The following CEP152 variants were observed in gnomAD, a reference collection of about 807,000 sequenced individuals.
CEP152 encodes the protein centrosomal protein of 152 kDa.
A neutral mutation model predicts 188.9 loss-of-function variants in CEP152; 132 were observed. The observed-to-expected ratio is 0.70, with a 90% CI of 0.61 to 0.81. The LOEUF (loss-of-function observed/expected upper bound fraction) is 0.81. Ranked by LOEUF, CEP152 falls within the 30% of genes least tolerant of loss-of-function variation. CEP152 has a pLI of 0.00. For missense variants in CEP152, 1,914 were observed against 1,969.8 expected (o/e 0.97, Z 0.54); for synonymous variants, 649 against 666.6 (o/e 0.97, Z 0.41).
chr15:48,741,188 G>C, intron 26 of CEP152: 1 of 1,046,992 alleles, frequency 9.6e-7, no homozygotes, highest in Middle Eastern at 4.7e-4. Context: ...GGAGTACAGT[G>C]GCACAATCAT....
chr15:48,729,924 C>T (rs1293509053), intron 2 of CEP152: 1 of 151,946 alleles, frequency 6.6e-6, no homozygotes, highest in Non-Finnish European at 1.5e-5. Flanking sequence ...AAAGAGATTA[C>T]TCCAGTACGT....
intron 20 of CEP152, among the ~76,000 whole-genome samples, chr15:48,754,169 A>G (rs1475054141): frequency 6.6e-6 from 1 of 152,180 alleles, no homozygotes; most frequent in East Asian, 1.9e-4. Context: ...TTTCTCAGGA[A>G]TGGAATCTGA....
chr15:48,762,243 T>G (rs1398530402), intron 18 of CEP152, 148 bp downstream of exon 18: 1 of 765,430 alleles, frequency 1.3e-6, no homozygotes, highest in East Asian at 2.7e-5. Context: ...TGAAGAAAAA[T>G]TTAGGAACAT....
At chr15:48,763,512 A>G (rs1894845823) in intron 17 of CEP152, among the ~76,000 whole-genome samples, 1 of 152,040 alleles carries the variant, frequency 6.6e-6, no homozygotes, top group Non-Finnish European at 1.5e-5. Flanking sequence ...CATCTCTACT[A>G]AAAATATAAA....
Position 48,742,112 on chromosome 15 carries a change from T to C in CEP152, c.3836-12A>G. 1 of 1,613,368 alleles carries C rather than the reference T, an allele frequency of 6.2e-7. No homozygotes were observed. The highest frequency in any genetic ancestry group is 1.3e-5 in the African/African-American group (1 of 75,010). On this transcript the variant is annotated splice_polypyrimidine_tract_variant and intron_variant, in intron 24 of 26. Transcript: ENST00000380950. Reference sequence around the variant, plus strand: ...ACGAAGCATGTCACCTATAGGGAAGTGAGAAAATGCCCACAGAATGTATGT... The same window carrying C: ...ACGAAGCATGTCACCTATAGGGAAGCGAGAAAATGCCCACAGAATGTATGT...
intron 20 of CEP152, 48 bp downstream of exon 20, chr15:48,755,855 A>G (rs1894218361): frequency 1.2e-6 from 2 of 1,610,142 alleles, no homozygotes; most frequent in South Asian, 1.1e-5. Flanking sequence ...TACAACTTCT[A>G]TAATCATTCT....
In CEP152 at chr15:48,805,616, C is replaced by A. The variant is rs764757015; in HGVS notation, c.34G>T (p.Val12Leu). The A allele has an allele frequency of 1.9e-6, 3 of 1,600,452 alleles. No individual in the cohort carries two copies. Among genetic ancestry groups the A allele is most frequent in the Non-Finnish European group, 2.6e-6 (3 of 1,173,522 alleles). ...TCATACTCTTCATCTTCATTTTGCA[C>A]TGGTAGTGCCACACTGCCAAAGTCT... ...SLDFGSVALP[V>L]QNEDEEYDEE... The change falls in exon 2 of 27, where the codon GTG becomes TTG. Residue 12 changes from valine (V) to leucine (L), a missense_variant. Transcript: ENST00000380950.
chr15:48,740,329 T>C (rs1023536941), intron 26 of CEP152, among the ~76,000 whole-genome samples: 1 of 152,094 alleles, frequency 6.6e-6, no homozygotes, highest in East Asian at 1.9e-4. Context: ...TCATTCTCCA[T>C]CCCCTGATTT....
chr15:48,793,195 C>T (rs1405402805), intron 7 of CEP152, 126 bp downstream of exon 7: 33 of 1,070,622 alleles, frequency 3.1e-5, no homozygotes, highest in Middle Eastern at 2.8e-4. Flanking sequence ...TTTTGCTATG[C>T]CTCACTCACT....
Position 48,738,232 on chromosome 15 carries a change from T to C in CEP152, c.*17A>G. 1 of 1,600,478 alleles carries C rather than the reference T, an allele frequency of 6.2e-7. No homozygotes were observed. Among genetic ancestry groups the C allele is most frequent in the East Asian group, 2.3e-5 (1 of 44,414 alleles). ...TTGTTAATATATTAATGATTCTTCT[T>C]AAATACTGTACCATAATTAGTCTAG... On this transcript the variant is annotated 3_prime_UTR_variant, in exon 27 of 27. Transcript: ENST00000380950.
At chr15:48,800,134 CCA>C (rs2140915776) in intron 2 of CEP152, among the ~76,000 whole-genome samples, 1 of 152,194 alleles carries the variant, frequency 6.6e-6, no homozygotes, top group Admixed American at 6.5e-5. Context: ...AAATTGGCAT[CCA>C]CAGAGAAAAA....
intron 10 of CEP152, among the ~76,000 whole-genome samples, chr15:48,782,678 G>C (rs1221675517): frequency 1.3e-5 from 2 of 152,152 alleles, no homozygotes; most frequent in Non-Finnish European, 2.9e-5. Context: ...ACATGTAAAT[G>C]AAGTGTATTA....
intron 12 of CEP152, among the ~76,000 whole-genome samples, chr15:48,775,441 T>C (rs1895828869): frequency 6.6e-6 from 1 of 152,098 alleles, no homozygotes; most frequent in Admixed American, 6.6e-5. Flanking sequence ...GAAACACTAA[T>C]TCAAATAACA....
chr15:48,730,069 C>T (rs926231616), intron 2 of CEP152, among the ~76,000 whole-genome samples: 2 of 151,894 alleles, frequency 1.3e-5, no homozygotes, highest in Admixed American at 6.6e-5. Context: ...AAAAATCAAC[C>T]AAAGGGAAAC....
intron 11 of CEP152, 35 bp downstream of exon 11, chr15:48,782,104 T>C: frequency 6.4e-7 from 1 of 1,567,058 alleles, no homozygotes; most frequent in Non-Finnish European, 8.8e-7. Context: ...CTAATTCAGA[T>C]ACCCATAGAG....
chr15:48,760,727 C>T (rs777125126), intron 18 of CEP152, among the ~76,000 whole-genome samples: 5 of 151,772 alleles, frequency 3.3e-5, no homozygotes, highest in African/African-American at 9.7e-5. Context: ...TTCCTACTGT[C>T]GAGAATGAGT....
At position 48,756,393 on chromosome 15, in the gene CEP152, T is replaced by A. The variant is rs367820002; in HGVS notation, c.2855A>T (p.Glu952Val). The change falls in exon 20 of 27, where the codon GAG (glutamate) becomes GTG (valine). Residue 952 changes from glutamate to valine, a missense_variant. Physicochemically the swap from Glu to Val is moderately radical, Grantham distance 121. Transcript: ENST00000380950. ...CCATTCACTCCGAGCCTTAGCTAACTCAGCCCTGATGACCACAGGGACTTC... is the reference window on the plus strand; with the variant it reads ...CCATTCACTCCGAGCCTTAGCTAACACAGCCCTGATGACCACAGGGACTTC... ...NEEVPVVIRA[E>V]LAKARSEWNK... The A allele has an allele frequency of 1.2e-6, 2 of 1,609,498 alleles. No homozygotes were observed. Among genetic ancestry groups the A allele is most frequent in the Non-Finnish European group, 1.7e-6 (2 of 1,177,508 alleles).
At chr15:48,810,464 G>A (rs1247386639) in intron 1 of CEP152, 1 of 152,290 alleles carries the variant, frequency 6.6e-6, no homozygotes, top group Non-Finnish European at 1.5e-5. Flanking sequence ...TTGCCCAGAG[G>A]GCGGAGCGAG....
intron 1 of CEP152, chr15:48,810,558 T>C (rs574258569): frequency 6.6e-6 from 1 of 152,316 alleles, no homozygotes; most frequent in Non-Finnish European, 1.5e-5. Context: ...ACTACAAACA[T>C]GACCAAAGCC....
Sources: gnomAD v4.1 joint callset for allele counts (sites outside exome capture counted in the v4.1 genomes callset) on GRCh38, gnomAD v4.1.1 for gene constraint, MANE v1.5 for transcripts, NCBI Gene and HGNC (gene_info 2026-07-23, HGNC 2026-07-21) for gene names.